NFKB1: variants seen among roughly 807,000 people sequenced by gnomAD.
The protein encoded by NFKB1 is nuclear factor NF-kappa-B p105 subunit.
Under a neutral mutation model 105.1 loss-of-function variants are expected in NFKB1, and 9 were observed. The ratio of observed to expected loss-of-function variants is 0.09; its 90% CI spans 0.05 to 0.15. The LOEUF is 0.15. Among genes scored for constraint, NFKB1 ranks in the 10% least tolerant of loss-of-function variants. The pLI is 1.00. For missense variants in NFKB1, 830 were observed against 1,203.7 expected (o/e 0.69, Z 4.59); for synonymous variants, 440 against 442.2 (o/e 1.00, Z 0.06).
intron 1 of NFKB1, among the ~76,000 whole-genome samples, chr4:102,510,435 A>G (rs2149097513): frequency 6.6e-6 from 1 of 152,308 alleles, no homozygotes; most frequent in South Asian, 2.1e-4. Flanking sequence ...ATGAGGTTTG[A>G]CAAAATGAGC....
chr4:102,506,957 A>AT (rs1739454874), intron 1 of NFKB1, among the ~76,000 whole-genome samples: 1 of 150,114 alleles, frequency 6.7e-6, no homozygotes, highest in Non-Finnish European at 1.5e-5. Context: ...AAAAAAGGTT[A>AT]TATATATACA....
At chr4:102,567,211 C>A in intron 6 of NFKB1, 76 bp downstream of exon 6, 2 of 1,475,168 alleles carry the variant, frequency 1.4e-6, no homozygotes, top group Non-Finnish European at 1.9e-6. Context: ...AATGAACAGG[C>A]CCCTTTCATT....
intron 5 of NFKB1, among the ~76,000 whole-genome samples, chr4:102,565,373 G>T (rs1723778029): frequency 6.6e-6 from 1 of 152,096 alleles, no homozygotes; most frequent in Admixed American, 6.5e-5. Context: ...TCTGTCCTTT[G>T]TTGACGAGTG....
At chr4:102,526,555 GA>G (rs1189597807) in intron 2 of NFKB1, among the ~76,000 whole-genome samples, 1 of 152,100 alleles carries the variant, frequency 6.6e-6, no homozygotes, top group Non-Finnish European at 1.5e-5. Context: ...TTGTTGTAGT[GA>G]AAAGATCTTT....
intron 14 of NFKB1, 49 bp from the exon 15 acceptor site, chr4:102,597,471 A>G (rs1419075043): frequency 6.4e-7 from 1 of 1,559,362 alleles, no homozygotes; most frequent in Non-Finnish European, 8.7e-7. Context: ...CCATACCCAT[A>G]AAACAAAAGT....
intron 5 of NFKB1, among the ~76,000 whole-genome samples, chr4:102,562,498 A>G (rs1184636975): frequency 6.6e-6 from 1 of 152,168 alleles, no homozygotes; most frequent in Non-Finnish European, 1.5e-5. Flanking sequence ...TACTCGCTGA[A>G]TAAATAGAGA....
chr4:102,608,008 A>T (rs543191740), intron 19 of NFKB1, among the ~76,000 whole-genome samples: 15 of 152,290 alleles, frequency 9.8e-5, no homozygotes, highest in Non-Finnish European at 2.1e-4. Context: ...GATTGTTTAG[A>T]TTGACTCCCA....
At chr4:102,530,788 A>C (rs545675708) in intron 3 of NFKB1, among the ~76,000 whole-genome samples, 2 of 152,302 alleles carry the variant, frequency 1.3e-5, no homozygotes, top group Admixed American at 1.3e-4. Flanking sequence ...TTAGATCAGA[A>C]AACTTTTTCT....
At chr4:102,607,537 A>C in intron 18 of NFKB1, 112 bp from the exon 19 acceptor site, 1 of 1,242,926 alleles carries the variant, frequency 8.0e-7, no homozygotes, top group Non-Finnish European at 1.2e-6. Context: ...AGCCAGCCCA[A>C]AGTAGCAATT....
intron 5 of NFKB1, among the ~76,000 whole-genome samples, chr4:102,548,436 A>T (rs907267603): frequency 2.0e-5 from 3 of 152,122 alleles, no homozygotes; most frequent in Admixed American, 6.6e-5. Flanking sequence ...AGGAACCGGG[A>T]GGAGGTGTAG....
chr4:102,544,459 T>C (rs1274931721), intron 5 of NFKB1, among the ~76,000 whole-genome samples: 1 of 152,116 alleles, frequency 6.6e-6, no homozygotes, highest in Non-Finnish European at 1.5e-5. Context: ...TTCCATGCAT[T>C]TGCAGATTAA....
Position 102,590,733 on chromosome 4 carries a change from T to A in NFKB1, c.1067-2692T>A, listed in dbSNP as rs187255607. On this transcript the variant is annotated intron_variant, in intron 11 of 23. Transcript: ENST00000226574. ...CCCTATTCCCTATCACACAACCATA[T>A]GGAAATTAGGCCAATTAATAACCTT... Among the ~76,000 whole-genome samples the A allele has an allele frequency of 1.3e-3, 195 of 152,294 alleles. 3 individuals carry two copies. Among genetic ancestry groups the A allele is most frequent in the Admixed American group, 0.012 (189 of 15,296 alleles).
At chr4:102,599,319 C>T (rs1399718701) in intron 15 of NFKB1, among the ~76,000 whole-genome samples, 4 of 152,088 alleles carry the variant, frequency 2.6e-5, no homozygotes, top group Admixed American at 1.3e-4. Context: ...TGAGATCATC[C>T]GTTTTAAAAT....
intron 5 of NFKB1, among the ~76,000 whole-genome samples, chr4:102,542,497 GCT>G (rs914914571): frequency 6.7e-4 from 99 of 147,894 alleles, no homozygotes; most frequent in Non-Finnish European, 6.9e-4. Flanking sequence ...GCTTTTGATA[GCT>G]CTCTCTCTCT....
chr4:102,526,923 C>T (rs1393507154), intron 2 of NFKB1, among the ~76,000 whole-genome samples: 1 of 150,264 alleles, frequency 6.7e-6, no homozygotes, highest in African/African-American at 2.5e-5. Flanking sequence ...CTCTCTTTTT[C>T]GTGTGTGTGT....
intron 1 of NFKB1, among the ~76,000 whole-genome samples, chr4:102,510,483 G>A (rs770307650): frequency 6.1e-4 from 93 of 152,138 alleles, no homozygotes; most frequent in Non-Finnish European, 1.2e-3. Context: ...TGATGTAATT[G>A]TATTAATTGG....
chr4:102,516,103 C>CATCATGCTT (rs1339027733), intron 1 of NFKB1, among the ~76,000 whole-genome samples: 1 of 151,950 alleles, frequency 6.6e-6, no homozygotes, highest in Admixed American at 6.6e-5. Context: ...TCATCAGAAA[C>CATCATGCTT]ATCATGCTTA....
chr4:102,577,963 A>G (rs1725000615), intron 7 of NFKB1: 1 of 985,264 alleles, frequency 1.0e-6, no homozygotes, highest in Admixed American at 6.1e-5. Flanking sequence ...TTTGCCTACA[A>G]AATCCAAATT....
intron 19 of NFKB1, among the ~76,000 whole-genome samples, chr4:102,609,665 C>A: frequency 1.3e-5 from 2 of 148,604 alleles, no homozygotes. Context: ...CATCCCTCCA[C>A]ACTTTGGTCC....
Sources: allele counts gnomAD v4.1 joint callset (sites outside exome capture counted in the v4.1 genomes callset), GRCh38; gene constraint gnomAD v4.1.1; transcripts MANE v1.5; gene names NCBI Gene and HGNC (gene_info 2026-07-23, HGNC 2026-07-21).